KCNH8: variants seen among roughly 807,000 people sequenced by gnomAD.
KCNH8 encodes the protein potassium voltage-gated channel subfamily H member 8.
In KCNH8, 70 loss-of-function variants were observed where a neutral mutation model predicts 103.6. The ratio of observed to expected loss-of-function variants is 0.68; its 90% CI spans 0.56 to 0.82. The LOEUF (loss-of-function observed/expected upper bound fraction) is 0.82. KCNH8 is among the 40% of genes least tolerant of loss of function. The probability of loss-of-function intolerance (pLI) is 0.00; values close to 1 mark genes in which losing one functional copy is unlikely to be tolerated. For missense variants in KCNH8, 1,217 were observed against 1,329.9 expected, an observed-to-expected ratio of 0.92 and a Z score of 1.32; for synonymous variants, 498 against 489.4, an observed-to-expected ratio of 1.02 and a Z score of -0.23.
intron 1 of KCNH8, among the ~76,000 whole-genome samples, chr3:19,167,490 A>AT (rs1169990911): frequency 6.6e-6 from 1 of 152,162 alleles, no homozygotes; most frequent in Admixed American, 6.5e-5. Context: ...ATTGAATCAT[A>AT]TTTTTTTATA....
intron 10 of KCNH8, among the ~76,000 whole-genome samples, chr3:19,454,348 T>C (rs1481838494): frequency 6.6e-6 from 1 of 152,148 alleles, no homozygotes; most frequent in South Asian, 2.1e-4. Flanking sequence ...AATCATAAAA[T>C]ATTTTTTATT....
rs756072297 is a variant in KCNH8, at chr3:19,533,898, T to C, written c.3123T>C (p.Ser1041=). Residue 1041 remains serine, a synonymous_variant, in exon 16 of 16, where the codon TCT becomes TCC. Coordinates refer to ENST00000328405, the MANE Select transcript of KCNH8 (RefSeq NM_144633.3). ...CTGTCTGCTCCTCTTCGGAAACATC[T>C]TTGCACCTAGTTCTCCCAAGCAGAT... ...SSSVCSSSET[S]LHLVLPSRSE... 1.2e-6 allele frequency: 2 copies of C among 1,614,136 alleles called. No homozygotes were observed. The highest frequency in any genetic ancestry group is 1.3e-5 in the African/African-American group (1 of 75,010).
chr3:19,303,787 A>T (rs970307270), intron 3 of KCNH8, among the ~76,000 whole-genome samples: 2 of 152,076 alleles, frequency 1.3e-5, no homozygotes, highest in Non-Finnish European at 2.9e-5. Flanking sequence ...GGAAATTTGT[A>T]AACACTCACA....
At chr3:19,268,220 G>A (rs2064539891) in intron 2 of KCNH8, among the ~76,000 whole-genome samples, 1 of 152,104 alleles carries the variant, frequency 6.6e-6, no homozygotes, top group Non-Finnish European at 1.5e-5. Flanking sequence ...AAGTTTGAAG[G>A]CAAGTTGCAG....
intron 11 of KCNH8, among the ~76,000 whole-genome samples, chr3:19,469,878 A>G (rs957220153): frequency 1.3e-5 from 2 of 151,968 alleles, no homozygotes; most frequent in Admixed American, 1.3e-4. Flanking sequence ...CTTTATTATT[A>G]TCCACCTTCT....
chr3:19,402,882 A>G (rs1353477419), intron 7 of KCNH8, among the ~76,000 whole-genome samples: 3 of 151,964 alleles, frequency 2.0e-5, no homozygotes, highest in South Asian at 2.1e-4. Context: ...ATACTGTACG[A>G]TTATAGGCCA....
At position 19,280,202 on chromosome 3, in the gene KCNH8, A is replaced by G. The variant is rs561934743; in HGVS notation, c.311-996A>G. Among the ~76,000 whole-genome samples, 116 of 152,268 alleles carry G rather than the reference A, an allele frequency of 7.6e-4. 1 individual carries two copies. The highest frequency in any genetic ancestry group is 3.4e-3 in the Middle Eastern group (1 of 294). ...CTTTAGGCAGTACCATTTGGCTACT[A>G]TATTTTGAATTTGAATCTTAATGAC... On this transcript the variant is annotated intron_variant, in intron 2 of 15. Transcript: ENST00000328405.
At chr3:19,493,016 C>T (rs2068360029) in intron 11 of KCNH8, among the ~76,000 whole-genome samples, 1 of 152,074 alleles carries the variant, frequency 6.6e-6, no homozygotes, top group Admixed American at 6.6e-5. Context: ...CTTGATTTGA[C>T]TTTCAGCCTG....
At chr3:19,179,875 G>A (rs2063434649) in intron 1 of KCNH8, among the ~76,000 whole-genome samples, 1 of 152,054 alleles carries the variant, frequency 6.6e-6, no homozygotes, top group Non-Finnish European at 1.5e-5. Context: ...GAGTTGGTAA[G>A]TAGGAAGAGA....
chr3:19,340,165 C>T (rs1015988175), intron 3 of KCNH8, among the ~76,000 whole-genome samples: 1 of 151,976 alleles, frequency 6.6e-6, no homozygotes, highest in Non-Finnish European at 1.5e-5. Context: ...GCACAGTAGG[C>T]ATCAGCAACA....
At chr3:19,293,248 A>G (rs757228453) in intron 3 of KCNH8, among the ~76,000 whole-genome samples, 11 of 152,130 alleles carry the variant, frequency 7.2e-5, no homozygotes, top group Non-Finnish European at 1.3e-4. Flanking sequence ...ATATATTTCC[A>G]CTATACCACA....
At chr3:19,167,377 A>C (rs1462451375) in intron 1 of KCNH8, among the ~76,000 whole-genome samples, 3 of 152,232 alleles carry the variant, frequency 2.0e-5, no homozygotes, top group Non-Finnish European at 4.4e-5. Context: ...TATAAATCGA[A>C]ACATTTGTAA....
At chr3:19,458,095 G>A (rs1483416023) in intron 11 of KCNH8, among the ~76,000 whole-genome samples, 1 of 152,008 alleles carries the variant, frequency 6.6e-6, no homozygotes, top group South Asian at 2.1e-4. Flanking sequence ...TTTTATGGAA[G>A]AGAAAACAAA....
chr3:19,234,806 G>C (rs7626630), intron 1 of KCNH8, among the ~76,000 whole-genome samples: 14,216 of 152,302 alleles, frequency 0.093, 2,151 homozygotes, highest in African/African-American at 0.31. Context: ...TGTCACCGCT[G>C]AATTTGACCT....
intron 11 of KCNH8, among the ~76,000 whole-genome samples, chr3:19,500,011 C>T (rs952057059): frequency 1.3e-5 from 2 of 152,112 alleles, no homozygotes; most frequent in Non-Finnish European, 2.9e-5. Flanking sequence ...GATGAAGAGT[C>T]AAGACCCATC....
At chr3:19,512,847 G>A (rs2068805071) in intron 12 of KCNH8, 123 bp from the exon 13 acceptor site, 1 of 864,678 alleles carries the variant, frequency 1.2e-6, no homozygotes, top group African/African-American at 1.7e-5. Flanking sequence ...AAAGACTTCA[G>A]TTTTAATGAA....
intron 10 of KCNH8, among the ~76,000 whole-genome samples, chr3:19,453,870 T>C (rs934679520): frequency 2.0e-5 from 3 of 152,112 alleles, no homozygotes; most frequent in Non-Finnish European, 4.4e-5. Context: ...AGTATGATTA[T>C]TTTCAAAATT....
At chr3:19,512,871 A>C in intron 12 of KCNH8, 99 bp from the exon 13 acceptor site, 3 of 1,047,510 alleles carry the variant, frequency 2.9e-6, no homozygotes, top group Non-Finnish European at 4.2e-6. Flanking sequence ...TAAGTCTCTA[A>C]GAGATTTGAC....
At chr3:19,357,019 T>A (rs2065889386) in intron 5 of KCNH8, among the ~76,000 whole-genome samples, 1 of 151,838 alleles carries the variant, frequency 6.6e-6, no homozygotes. Flanking sequence ...AAAAAAGCAA[T>A]TTTTTGTAGG....
Sources: gnomAD v4.1 joint callset for allele counts (sites outside exome capture counted in the v4.1 genomes callset) on GRCh38, gnomAD v4.1.1 for gene constraint, MANE v1.5 for transcripts, NCBI Gene and HGNC (gene_info 2026-07-23, HGNC 2026-07-21) for gene names.